The following ATM variants were observed in gnomAD, a reference collection of about 807,000 sequenced individuals.
The protein encoded by ATM is serine-protein kinase ATM.
In ATM, 308 loss-of-function variants were observed where a neutral mutation model predicts 387.0. The observed-to-expected ratio is 0.80, with a 90% CI of 0.73 to 0.87. ATM has a LOEUF of 0.87. ATM is among the 40% of genes least tolerant of loss of function. ATM has a pLI of 0.00. For synonymous variants in ATM, 1,156 were observed against 1,187.3 expected (o/e 0.97, Z 0.54); for missense variants, 3,312 against 3,560.9 (o/e 0.93, Z 1.78).
At chr11:108,246,632 A>G (rs188509693) in intron 7 of ATM, among the ~76,000 whole-genome samples, 1 of 152,344 alleles carries the variant, frequency 6.6e-6, no homozygotes, top group Admixed American at 6.5e-5. Flanking sequence ...CTTAGGCCAG[A>G]AAAAGGCATA....
Position 108,301,697 on chromosome 11 carries a change from A to G in ATM, c.5227A>G (p.Thr1743Ala), listed in dbSNP as rs758924620. 2 of 1,613,796 alleles carry G rather than the reference A, an allele frequency of 1.2e-6. No homozygotes were observed. The highest frequency in any genetic ancestry group is 1.1e-5 in the South Asian group (1 of 91,082). The change falls in exon 35 of 63, where the codon ACA becomes GCA. Residue 1743 changes from threonine to alanine, a missense_variant. Transcript: ENST00000675843. Reference sequence around the variant, plus strand: ...TACCTGTTTGAAAAACATTTTAGCCACAAAGACTGGACATAGTTTCTGGGA... The same window carrying G: ...TACCTGTTTGAAAAACATTTTAGCCGCAAAGACTGGACATAGTTTCTGGGA... The part of the protein sequence containing the change: ...AVTCLKNILA[T>A]KTGHSFWEIY...
intron 61 of ATM, among the ~76,000 whole-genome samples, chr11:108,363,225 T>G (rs1415742080): frequency 6.6e-6 from 1 of 152,174 alleles, no homozygotes; most frequent in Non-Finnish European, 1.5e-5. Context: ...TTTCCTCTCT[T>G]GGATTCATTT....
intron 18 of ATM, among the ~76,000 whole-genome samples, chr11:108,269,625 C>T (rs1252148911): frequency 6.6e-6 from 1 of 152,196 alleles, no homozygotes; most frequent in East Asian, 1.9e-4. Flanking sequence ...TTAGCCCTAG[C>T]CCCAGTGTAT....
At chr11:108,229,450 A>C in intron 4 of ATM, 127 bp downstream of exon 4, 1 of 974,650 alleles carries the variant, frequency 1.0e-6, no homozygotes, top group Non-Finnish European at 1.5e-6. Flanking sequence ...AATAAGATAA[A>C]AGTTGAGTGT....
intron 26 of ATM, among the ~76,000 whole-genome samples, chr11:108,286,728 C>CT (rs1484126977): frequency 6.6e-6 from 1 of 152,104 alleles, no homozygotes; most frequent in Non-Finnish European, 1.5e-5. Context: ...ATGGATTGAC[C>CT]TTAGGTTCCC....
chr11:108,251,141 C>T (rs2135330997), intron 10 of ATM, 69 bp downstream of exon 10: 1 of 1,590,638 alleles, frequency 6.3e-7, no homozygotes, highest in Non-Finnish European at 8.6e-7. Flanking sequence ...CTCACATATC[C>T]CTGATCATTT....
Position 108,252,898 on chromosome 11 carries a change from A to C in ATM, c.1884A>C (p.Gln628His). 6.2e-7 allele frequency: 1 copy of C among 1,611,536 alleles called. No individual in the cohort carries two copies. Residue 628 changes from glutamine (Q) to histidine (H), a missense_variant, in exon 12 of 63, where the codon CAA (glutamine) becomes CAC (histidine). Gln to His is a conservative substitution (Grantham distance 24, BLOSUM62 0). This residue lies in a region of ATM where 1,791 missense variants were observed against 1,804.5 expected (regional missense o/e 0.99). Coordinates refer to ENST00000675843, the MANE Select transcript of ATM (RefSeq NM_000051.4). ...KNCKAAMNFF[Q>H]SVPECEHHQK... ...GTAAAGCTGCAATGAATTTTTTCCA[A>C]AGCGTGCCAGAATGGTATGTTATCT...
At chr11:108,284,867 G>A (rs771574195) in intron 26 of ATM, among the ~76,000 whole-genome samples, 6 of 151,996 alleles carry the variant, frequency 3.9e-5, no homozygotes, top group Non-Finnish European at 5.9e-5. Context: ...AAAAACAACC[G>A]TCCCTCATTC....
At chr11:108,254,524 A>G (rs1673603463) in intron 13 of ATM, among the ~76,000 whole-genome samples, 1 of 152,216 alleles carries the variant, frequency 6.6e-6, no homozygotes, top group African/African-American at 2.4e-5. Context: ...CTTCATGTAT[A>G]CTATTCTCTT....
Position 108,248,945 on chromosome 11 carries a change from GATACCA to G in ATM, c.1079_1084del (p.Asp360_Arg362delinsGly). 1 of 1,602,452 alleles carries G rather than the reference GATACCA, an allele frequency of 6.2e-7. No homozygotes were observed. The highest frequency in any genetic ancestry group is 1.3e-5 in the African/African-American group (1 of 74,108). ...TTTTATTTTACAGGTTTTTAATGAAGATACCAGATCCTTGGAGATTTCTCAATCTTA... is the reference window on the plus strand; with the variant it reads ...TTTTATTTTACAGGTTTTTAATGAAGGATCCTTGGAGATTTCTCAATCTTA... On this transcript the variant is annotated inframe_deletion, in exon 9 of 63. Coordinates refer to ENST00000675843, the MANE Select transcript of ATM (RefSeq NM_000051.4).
intron 5 of ATM, among the ~76,000 whole-genome samples, chr11:108,243,430 C>T (rs916160733): frequency 2.6e-5 from 4 of 152,064 alleles, no homozygotes; most frequent in Non-Finnish European, 5.9e-5. Flanking sequence ...CTGACCAACA[C>T]GGTGAAACCC....
chr11:108,358,353 C>G (rs1489998419), intron 61 of ATM, among the ~76,000 whole-genome samples: 1 of 143,952 alleles, frequency 6.9e-6, no homozygotes, highest in South Asian at 2.3e-4. Context: ...AGAATGGAAC[C>G]AAGTTGGAAA....
chr11:108,321,549 G>A, intron 45 of ATM, 129 bp downstream of exon 45: 2 of 1,331,668 alleles, frequency 1.5e-6, no homozygotes, highest in East Asian at 4.8e-5. Context: ...TTAGAAGGCT[G>A]AAGTGGGTGG....
At position 108,321,331 on chromosome 11, in the gene ATM, C is replaced by T. The variant is rs2136239315; in HGVS notation, c.6483C>T (p.Arg2161=). 6.2e-7 allele frequency: 1 copy of T among 1,614,168 alleles called. No individual in the cohort carries two copies. The highest frequency in any genetic ancestry group is 8.5e-7 in the Non-Finnish European group (1 of 1,180,022). The change falls in exon 45 of 63, where the codon CGC becomes CGT. Residue 2161 remains arginine (R), a synonymous_variant. Coordinates refer to ENST00000675843, the MANE Select transcript of ATM (RefSeq NM_000051.4). The part of the protein sequence containing the change: ...RVKEVEEMCK[R]SLESVYSLYP... Reference sequence around the variant, plus strand: ...AAGAAGTGGAAGAGATGTGTAAGCGCAGCCTTGAGTCTGTGTATTCGCTCT... The same window carrying T: ...AAGAAGTGGAAGAGATGTGTAAGCGTAGCCTTGAGTCTGTGTATTCGCTCT...
rs886039471 is a variant in ATM, at chr11:108,326,064, G to A, written c.6814G>A (p.Glu2272Lys). 18 of 1,613,900 alleles carry A rather than the reference G, an allele frequency of 1.1e-5. No individual in the cohort carries two copies. The highest frequency in any genetic ancestry group is 2.7e-5 in the African/African-American group (2 of 74,900). Residue 2272 changes from glutamate (E) to lysine (K), a missense_variant, in exon 47 of 63, where the codon GAA becomes AAA. Physicochemically the swap from Glu to Lys is moderately conservative, Grantham distance 56. Coordinates refer to ENST00000675843, the MANE Select transcript of ATM (RefSeq NM_000051.4). Reference sequence around the variant, plus strand: ...TATGTCATTTTCATTTCAGCTCCCTGAAAGGGCAATATTTCAAATTAAACA... The same window carrying A: ...TATGTCATTTTCATTTCAGCTCCCTAAAAGGGCAATATTTCAAATTAAACA... ...ARTFKNTQLP[E>K]RAIFQIKQYN...
chr11:108,358,703 T>C (rs1294940289), intron 61 of ATM, among the ~76,000 whole-genome samples: 2 of 149,982 alleles, frequency 1.3e-5, no homozygotes. Context: ...CTAAGCTTCA[T>C]CAGTGAAGTA....
Position 108,289,819 on chromosome 11 carries a change from A to T in ATM, c.4436+18A>T, listed in dbSNP as rs1317954521. ...AACCAAAGGTAAATAACATATTTAGACCAATATATAAGCAGTCTTTCTATC... is the reference window on the plus strand; with the variant it reads ...AACCAAAGGTAAATAACATATTTAGTCCAATATATAAGCAGTCTTTCTATC... On this transcript the variant is annotated intron_variant, in intron 29 of 62. Transcript: ENST00000675843. The T allele has an allele frequency of 6.3e-7, 1 of 1,599,698 alleles. No individual in the cohort carries two copies. The highest frequency in any genetic ancestry group is 2.2e-5 in the East Asian group (1 of 44,750).
chr11:108,317,685 T>C (rs575116562), intron 43 of ATM, among the ~76,000 whole-genome samples, 164 bp downstream of exon 43: 21 of 141,462 alleles, frequency 1.5e-4, no homozygotes, highest in African/African-American at 2.4e-4. Flanking sequence ...TATATATATA[T>C]ACATACCATA....
At position 108,292,720 on chromosome 11, in the gene ATM, T is replaced by A. The variant is rs2135800525; in HGVS notation, c.4538T>A (p.Leu1513Gln). 1 of 1,614,080 alleles carries A rather than the reference T, an allele frequency of 6.2e-7. No homozygotes were observed. Among genetic ancestry groups the A allele is most frequent in the South Asian group, 1.1e-5 (1 of 91,082 alleles). ...QTAVTYCKDA[L>Q]ENHLHVIVGT... ...GCCGTGACTTACTGTAAGGATGCTC[T>A]AGAAAACCATCTTCATGTTATTGTT... Residue 1513 changes from leucine (L) to glutamine (Q), a missense_variant, in exon 30 of 63, where the codon CTA becomes CAA. By Grantham distance (113) the Leu-to-Gln change is moderately radical. Coordinates refer to ENST00000675843, the MANE Select transcript of ATM (RefSeq NM_000051.4).
Sources: gnomAD v4.1 joint callset for allele counts (sites outside exome capture counted in the v4.1 genomes callset) on GRCh38, gnomAD v4.1.1 for gene constraint, gnomAD v4.1.1 regional missense constraint, MANE v1.5 for transcripts, NCBI Gene and HGNC (gene_info 2026-07-23, HGNC 2026-07-21) for gene names.